C17orf67: variants seen among roughly 807,000 people sequenced by gnomAD.
C17orf67 encodes the protein chromosome 17 open reading frame 67.
C17orf67 carries 12 observed loss-of-function variants against 11.2 expected under a neutral mutation model. The ratio of observed to expected loss-of-function variants is 1.07; its 90% confidence interval spans 0.68 to 1.73. The LOEUF (loss-of-function observed/expected upper bound fraction) is 1.73, where lower values mean the gene tolerates loss of function less well. Among genes scored for constraint, C17orf67 ranks in the 40% most tolerant of loss-of-function variants. The probability of loss-of-function intolerance (pLI) is 0.00; values close to 1 mark genes in which losing one functional copy is unlikely to be tolerated. For synonymous variants in C17orf67, 59 were observed against 46.9 expected (o/e 1.26, Z -1.05); for missense variants, 115 against 113.5 (o/e 1.01, Z -0.06).
intron 6 of C17orf67, among the ~76,000 whole-genome samples, chr17:56,796,763 ACTCCTCACCCCT>A (rs1677100621): frequency 1.3e-5 from 2 of 150,312 alleles, no homozygotes; most frequent in South Asian, 4.2e-4. Flanking sequence ...GCTGCCGCAG[ACTCCTCACCCCT>A]CTCTCTGTCC....
chr17:56,818,578 C>T (rs1055013050), intron 4 of C17orf67, among the ~76,000 whole-genome samples: 5 of 151,748 alleles, frequency 3.3e-5, no homozygotes, highest in African/African-American at 9.7e-5. Context: ...CAGCACTGTC[C>T]GATAAAAACA....
intron 6 of C17orf67, among the ~76,000 whole-genome samples, chr17:56,812,274 GA>G (rs1905648052): frequency 6.6e-6 from 1 of 152,210 alleles, no homozygotes; most frequent in Non-Finnish European, 1.5e-5. Flanking sequence ...TTTTGGGCCA[GA>G]GGGTGGTGGA....
At position 56,800,242 on chromosome 17, in the gene C17orf67, T is replaced by A. The variant is rs949832920; in HGVS notation, c.157-5062A>T. On this transcript the variant is annotated intron_variant, in intron 6 of 7. Transcript: ENST00000397861. Reference sequence around the variant, plus strand: ...CATCACACCCGGCTAATTTTTTGAATTTTTAGTAGAGACGGGGTTTCACCG... The same window carrying A: ...CATCACACCCGGCTAATTTTTTGAAATTTTAGTAGAGACGGGGTTTCACCG... Among the ~76,000 whole-genome samples, 9 of 152,216 alleles carry A rather than the reference T, an allele frequency of 5.9e-5. No individual in the cohort carries two copies. In the South Asian group the frequency reaches 1.9e-3, roughly 32 times the overall value.
rs187217557 is a variant in C17orf67 at position 56,809,487 on chromosome 17, C to T, written c.156+5382G>A. ...TACTCAGTAAGGCCTTTTCAAAACA[C>T]ACACACACACGAACCCTCACACACC... On this transcript the variant is annotated intron_variant, in intron 6 of 7. Coordinates refer to ENST00000397861, the MANE Select transcript of C17orf67 (RefSeq NM_001085430.4). 5.6e-3 allele frequency among the ~76,000 whole-genome samples: 857 copies of T among 151,948 alleles called. 4 individuals are homozygous for T. Among genetic ancestry groups the T allele is most frequent in the Non-Finnish European group, 8.1e-3 (553 of 67,920 alleles).
chr17:56,798,021 G>T (rs1446863237), intron 6 of C17orf67, among the ~76,000 whole-genome samples: 4 of 151,904 alleles, frequency 2.6e-5, no homozygotes, highest in Admixed American at 2.6e-4. Flanking sequence ...GCAATCTCTG[G>T]CCTACAGGTA....
chr17:56,825,525 G>A (rs137920312), intron 2 of C17orf67, among the ~76,000 whole-genome samples: 1 of 152,294 alleles, frequency 6.6e-6, no homozygotes, highest in African/African-American at 2.4e-5. Context: ...ATTCTTAAAA[G>A]CTTTCCCATA....
At chr17:56,806,488 A>G (rs1322587576) in intron 6 of C17orf67, among the ~76,000 whole-genome samples, 1 of 152,198 alleles carries the variant, frequency 6.6e-6, no homozygotes, top group Non-Finnish European at 1.5e-5. Context: ...AGAAATTTAC[A>G]TGCATATCCA....
At chr17:56,820,612 C>CA (rs1388034757) in intron 4 of C17orf67, among the ~76,000 whole-genome samples, 1 of 152,124 alleles carries the variant, frequency 6.6e-6, no homozygotes, top group African/African-American at 2.4e-5. Context: ...TTTTTTTTCT[C>CA]ATCAACATTG....
At chr17:56,809,718 C>T (rs904951125) in intron 6 of C17orf67, among the ~76,000 whole-genome samples, 2 of 146,358 alleles carry the variant, frequency 1.4e-5, no homozygotes, top group African/African-American at 5.1e-5. Flanking sequence ...ACTCCTCACA[C>T]ATACACCCTC....
intron 6 of C17orf67, among the ~76,000 whole-genome samples, chr17:56,810,842 T>C (rs1028172888): frequency 3.9e-5 from 6 of 152,278 alleles, no homozygotes; most frequent in African/African-American, 1.4e-4. Context: ...AGGATCATTT[T>C]GACAGTCACA....
intron 4 of C17orf67, among the ~76,000 whole-genome samples, chr17:56,822,325 T>C (rs1223012842): frequency 2.6e-5 from 4 of 152,202 alleles, no homozygotes; most frequent in Admixed American, 1.3e-4. Flanking sequence ...GAGTTTCTAC[T>C]GTGTAGGCAG....
intron 6 of C17orf67, among the ~76,000 whole-genome samples, chr17:56,801,013 C>T (rs1905308130): frequency 6.6e-6 from 1 of 152,242 alleles, no homozygotes; most frequent in African/African-American, 2.4e-5. Context: ...CGTGCCACCG[C>T]ACTCCAGCGC....
At chr17:56,802,982 G>C (rs1162599473) in intron 6 of C17orf67, among the ~76,000 whole-genome samples, 1 of 152,198 alleles carries the variant, frequency 6.6e-6, no homozygotes, top group African/African-American at 2.4e-5. Context: ...CCAGGCAGTG[G>C]TACCCAATTC....
chr17:56,811,207 A>G (rs544260591), intron 6 of C17orf67, among the ~76,000 whole-genome samples: 34 of 152,340 alleles, frequency 2.2e-4, no homozygotes, highest in African/African-American at 7.9e-4. Context: ...GGAATTAGAC[A>G]TTCTGGAATC....
intron 6 of C17orf67, 51 bp downstream of exon 6, chr17:56,814,818 G>T: frequency 1.9e-6 from 3 of 1,540,436 alleles, no homozygotes; most frequent in Non-Finnish European, 2.7e-6. Flanking sequence ...CATAGTGAAT[G>T]GCATTCAAAT....
At chr17:56,814,353 C>G (rs1905702665) in intron 6 of C17orf67, among the ~76,000 whole-genome samples, 1 of 152,154 alleles carries the variant, frequency 6.6e-6, no homozygotes, top group Admixed American at 6.5e-5. Flanking sequence ...GAGCCTGGTT[C>G]AGAAAGACTA....
At chr17:56,814,388 A>C (rs147313419) in intron 6 of C17orf67, among the ~76,000 whole-genome samples, 305 of 152,320 alleles carry the variant, frequency 2.0e-3, no homozygotes, top group Admixed American at 4.9e-3. Context: ...ATGACCCCAC[A>C]GGGCAGAAGT....
chr17:56,800,904 C>T (rs1197216068), intron 6 of C17orf67, among the ~76,000 whole-genome samples: 3 of 152,188 alleles, frequency 2.0e-5, no homozygotes, highest in Non-Finnish European at 4.4e-5. Context: ...GATGTTCCAG[C>T]TGGGTGTGGT....
rs747905228 is a variant in C17orf67 at position 56,795,088 on chromosome 17, G to A, written c.249C>T (p.Asp83=). The A allele has an allele frequency of 1.9e-6, 3 of 1,614,032 alleles. No homozygotes were observed. Among genetic ancestry groups the A allele is most frequent in the Non-Finnish European group, 2.5e-6 (3 of 1,179,930 alleles). The part of the protein sequence containing the change: ...WLNPHCKPHC[D]RNRIHPV ...CTTACACAGGATGAATCCTGTTCCT[G>A]TCACAGTGGGGTTTGCAGTGAGGGT... The change falls in exon 7 of 8, where the codon GAC becomes GAT. Residue 83 remains aspartate, a synonymous_variant. Transcript: ENST00000397861.
Sources: gnomAD v4.1 joint callset for allele counts (sites outside exome capture counted in the v4.1 genomes callset) on GRCh38, gnomAD v4.1.1 for gene constraint, MANE v1.5 for transcripts, NCBI Gene and HGNC (gene_info 2026-07-23, HGNC 2026-07-21) for gene names.